Variants in CNTNAP2 observed in about 807,000 individuals in gnomAD.
CNTNAP2 encodes contactin associated protein 2, also known as contactin-associated protein-like 2.
CNTNAP2 carries 98 observed loss-of-function variants against 155.2 expected under a neutral mutation model. The ratio of observed to expected loss-of-function variants is 0.63; its 90% CI spans 0.54 to 0.75. The LOEUF (loss-of-function observed/expected upper bound fraction) is 0.75. CNTNAP2 is among the 30% of genes least tolerant of loss of function. The pLI is 0.00. For synonymous variants in CNTNAP2, 651 were observed against 631.2 expected, an observed-to-expected ratio of 1.03 and a Z score of -0.47; for missense variants, 1,727 against 1,688.1, an observed-to-expected ratio of 1.02 and a Z score of -0.40.
intron 9 of CNTNAP2, among the ~76,000 whole-genome samples, chr7:147,382,104 A>G (rs1432222534): frequency 1.3e-5 from 2 of 152,200 alleles, no homozygotes; most frequent in African/African-American, 2.4e-5. Context: ...TATATATGGC[A>G]TAATAATTTG....
intron 2 of CNTNAP2, among the ~76,000 whole-genome samples, chr7:146,800,025 TA>T (rs1802846203): frequency 2.6e-5 from 4 of 152,090 alleles, no homozygotes; most frequent in African/African-American, 9.7e-5. Context: ...CAATTATGAA[TA>T]TGGACTCAGT....
intron 12 of CNTNAP2, among the ~76,000 whole-genome samples, chr7:147,625,744 G>A (rs1336838334): frequency 6.6e-6 from 1 of 152,124 alleles, no homozygotes; most frequent in African/African-American, 2.4e-5. Flanking sequence ...AACATACCAG[G>A]AAAACCTGAA....
At chr7:148,281,508 A>G (rs1796972889) in intron 21 of CNTNAP2, among the ~76,000 whole-genome samples, 1 of 152,228 alleles carries the variant, frequency 6.6e-6, no homozygotes, top group South Asian at 2.1e-4. Flanking sequence ...TAAACTGAAG[A>G]GAAGAAATTA....
intron 2 of CNTNAP2, among the ~76,000 whole-genome samples, chr7:146,807,592 C>T (rs182977518): frequency 1.3e-5 from 2 of 152,072 alleles, no homozygotes; most frequent in East Asian, 1.9e-4. Context: ...ACAATGTAAC[C>T]GAATTTTACC....
intron 1 of CNTNAP2, among the ~76,000 whole-genome samples, chr7:146,337,564 T>TA (rs1801298621): frequency 6.6e-6 from 1 of 152,214 alleles, no homozygotes; most frequent in African/African-American, 2.4e-5. Context: ...GCTCATGTGA[T>TA]ACTCCAACCT....
intron 11 of CNTNAP2, among the ~76,000 whole-genome samples, chr7:147,514,510 C>T (rs959364185): frequency 1.3e-5 from 2 of 149,894 alleles, no homozygotes; most frequent in Non-Finnish European, 3.0e-5. Context: ...CTAATGAGGA[C>T]AAAGTAACAG....
At chr7:147,531,902 G>A (rs1426391237) in intron 11 of CNTNAP2, among the ~76,000 whole-genome samples, 1 of 151,306 alleles carries the variant, frequency 6.6e-6, no homozygotes, top group Admixed American at 6.6e-5. Context: ...CAACTCCTGG[G>A]TTCACGCCAT....
At chr7:147,073,594 T>A (rs1799939912) in intron 4 of CNTNAP2, among the ~76,000 whole-genome samples, 1 of 152,132 alleles carries the variant, frequency 6.6e-6, no homozygotes, top group Non-Finnish European at 1.5e-5. Flanking sequence ...GACTGGTCCT[T>A]AGATCTAAAA....
At chr7:147,974,193 C>T (rs1438581274) in intron 14 of CNTNAP2, among the ~76,000 whole-genome samples, 1 of 150,818 alleles carries the variant, frequency 6.6e-6, no homozygotes, top group Non-Finnish European at 1.5e-5. Flanking sequence ...AGGTTATACA[C>T]ATATCAATTT....
chr7:146,196,914 T>C (rs1798785244), intron 1 of CNTNAP2, among the ~76,000 whole-genome samples: 1 of 152,164 alleles, frequency 6.6e-6, no homozygotes, highest in African/African-American at 2.4e-5. Context: ...AATGACAGTT[T>C]ATCTTCAAGT....
intron 21 of CNTNAP2, among the ~76,000 whole-genome samples, chr7:148,331,512 A>AG (rs146889389): frequency 1.5e-4 from 7 of 47,016 alleles, no homozygotes; most frequent in Admixed American, 2.6e-4. Context: ...TGATGGATGG[A>AG]TGGATGGATG....
intron 15 of CNTNAP2, among the ~76,000 whole-genome samples, chr7:148,067,121 G>T (rs1803280763): frequency 6.6e-6 from 1 of 152,056 alleles, no homozygotes; most frequent in African/African-American, 2.4e-5. Flanking sequence ...ATTTCTTATT[G>T]GTTTGAACCC....
chr7:148,357,502 C>T (rs1460412909), intron 21 of CNTNAP2, among the ~76,000 whole-genome samples: 4 of 152,128 alleles, frequency 2.6e-5, no homozygotes, highest in Non-Finnish European at 2.9e-5. Flanking sequence ...AAATTGTAGC[C>T]CCCGTTCAAT....
chr7:147,408,743 G>A (rs1177216139), intron 10 of CNTNAP2, among the ~76,000 whole-genome samples: 3 of 152,282 alleles, frequency 2.0e-5, no homozygotes, highest in African/African-American at 7.2e-5. Context: ...GGGCGACAGA[G>A]CGAGACTCCA....
chr7:146,408,766 G>A (rs1054060918), intron 1 of CNTNAP2, among the ~76,000 whole-genome samples: 1 of 151,756 alleles, frequency 6.6e-6, no homozygotes, highest in Admixed American at 6.6e-5. Flanking sequence ...AGAACTTCAA[G>A]TATAATAAAA....
chr7:147,586,487 G>A (rs954686818), intron 12 of CNTNAP2, among the ~76,000 whole-genome samples: 5 of 118,172 alleles, frequency 4.2e-5, no homozygotes, highest in African/African-American at 1.7e-4. Flanking sequence ...TTTATTTTTA[G>A]TTTACATAGA....
At chr7:146,191,353 C>T (rs1798702448) in intron 1 of CNTNAP2, among the ~76,000 whole-genome samples, 2 of 152,116 alleles carry the variant, frequency 1.3e-5, no homozygotes, top group Admixed American at 1.3e-4. Context: ...TCACAGAGAT[C>T]ACATGCTTCA....
rs137999240 is a variant in CNTNAP2 at position 148,148,018 on chromosome 7, A to G, written c.2773+309A>G. Among the ~76,000 whole-genome samples, 79 of 149,828 alleles carry G rather than the reference A, an allele frequency of 5.3e-4. No homozygotes were observed. In the East Asian group the frequency reaches 5.5e-3, roughly 10 times the overall value. On this transcript the variant is annotated intron_variant, in intron 17 of 23. Transcript: ENST00000361727. Reference sequence around the variant, plus strand: ...TTTAGGTTTATGGTTTTAGAAGTGTATAAAGTTATTTGATCATTTGGGGCA... The same window carrying G: ...TTTAGGTTTATGGTTTTAGAAGTGTGTAAAGTTATTTGATCATTTGGGGCA...
At chr7:148,308,409 G>A (rs1014997361) in intron 21 of CNTNAP2, among the ~76,000 whole-genome samples, 11 of 152,026 alleles carry the variant, frequency 7.2e-5, no homozygotes, top group East Asian at 5.8e-4. Flanking sequence ...TGATTTGTCC[G>A]TATCCATGGC....
Sources: allele counts gnomAD v4.1 joint callset (sites outside exome capture counted in the v4.1 genomes callset), GRCh38; gene constraint gnomAD v4.1.1; transcripts MANE v1.5; gene names NCBI Gene and HGNC (gene_info 2026-07-23, HGNC 2026-07-21).